The following UMAD1 variants were observed in gnomAD, a reference collection of about 807,000 sequenced individuals.
UMAD1 encodes UBAP1-MVB12-associated (UMA) domain containing 1.
A neutral mutation model predicts 6.1 loss-of-function variants in UMAD1; 8 were observed. That is an observed-to-expected ratio of 1.30 (90% confidence interval 0.76 to 2.35). The LOEUF (loss-of-function observed/expected upper bound fraction) is 2.35, where lower values mean the gene tolerates loss of function less well. UMAD1 is among the 30% of genes most tolerant of loss of function. The probability of loss-of-function intolerance (pLI) is 0.00; values close to 1 mark genes in which losing one functional copy is unlikely to be tolerated. For synonymous variants in UMAD1, 56 were observed against 31.4 expected (o/e 1.78, Z -2.61); for missense variants, 130 against 78.4 (o/e 1.66, Z -2.49).
At chr7:7,800,999 A>G (rs1782787795) in intron 2 of UMAD1, among the ~76,000 whole-genome samples, 1 of 152,244 alleles carries the variant, frequency 6.6e-6, no homozygotes. Flanking sequence ...GTGATAATTA[A>G]TAAATTAAAA....
At chr7:7,818,209 C>T (rs1783170410) in intron 3 of UMAD1, among the ~76,000 whole-genome samples, 1 of 152,112 alleles carries the variant, frequency 6.6e-6, no homozygotes, top group Non-Finnish European at 1.5e-5. Context: ...TTTTAACACC[C>T]TCTTATAAGT....
At chr7:7,662,348 A>G (rs927020736) in intron 1 of UMAD1, among the ~76,000 whole-genome samples, 1 of 152,072 alleles carries the variant, frequency 6.6e-6, no homozygotes, top group African/African-American at 2.4e-5. Flanking sequence ...TCTAGGGGCC[A>G]GTGGGGTATG....
intron 2 of UMAD1, chr7:7,685,971 G>C (rs899543330): frequency 1.3e-5 from 2 of 152,306 alleles, no homozygotes; most frequent in African/African-American, 2.4e-5. Flanking sequence ...GGTTAGGGAT[G>C]CTCCAGATTC....
At chr7:7,708,202 ACTGT>A (rs1205487873) in intron 2 of UMAD1, among the ~76,000 whole-genome samples, 10 of 152,182 alleles carry the variant, frequency 6.6e-5, no homozygotes, top group Non-Finnish European at 1.5e-5. Flanking sequence ...CTTCTCCTTA[ACTGT>A]CTGTAACTTA....
chr7:7,728,283 G>T (rs1781180366), intron 2 of UMAD1, among the ~76,000 whole-genome samples: 1 of 152,136 alleles, frequency 6.6e-6, no homozygotes, highest in Non-Finnish European at 1.5e-5. Flanking sequence ...TTCACAGCTG[G>T]CGGCCAGCAG....
intron 3 of UMAD1, among the ~76,000 whole-genome samples, chr7:7,853,155 A>C (rs1783951351): frequency 6.6e-6 from 1 of 152,226 alleles, no homozygotes; most frequent in Admixed American, 6.5e-5. Context: ...TCATAATATC[A>C]CACAGGACAT....
chr7:7,806,844 T>C (rs1293131517), intron 3 of UMAD1, among the ~76,000 whole-genome samples: 1 of 152,222 alleles, frequency 6.6e-6, no homozygotes. Flanking sequence ...AAATATTCTC[T>C]ATAACGAGAA....
rs535668930 is a variant in UMAD1 at position 7,834,561 on chromosome 7, C to T, written c.156+32818C>T. Among the ~76,000 whole-genome samples the T allele has an allele frequency of 5.7e-4, 86 of 152,170 alleles. No homozygotes were observed. In the South Asian group the frequency reaches 0.016, roughly 29 times the overall value. On this transcript the variant is annotated intron_variant, in intron 3 of 3. Transcript: ENST00000682710. ...GATCAAGATTCTGGCCAATTCGGTTCCTGATGAAGAACCCCTTCATGGCTT... is the reference window on the plus strand; with the variant it reads ...GATCAAGATTCTGGCCAATTCGGTTTCTGATGAAGAACCCCTTCATGGCTT...
intron 2 of UMAD1, among the ~76,000 whole-genome samples, chr7:7,764,845 G>A (rs1278860826): frequency 6.6e-6 from 1 of 152,076 alleles, no homozygotes; most frequent in Non-Finnish European, 1.5e-5. Context: ...TTCTTTGACT[G>A]CTTTACTTCT....
At chr7:7,732,783 A>C (rs1014079178) in intron 2 of UMAD1, among the ~76,000 whole-genome samples, 1 of 152,232 alleles carries the variant, frequency 6.6e-6, no homozygotes, top group Non-Finnish European at 1.5e-5. Context: ...AAGTTGCACA[A>C]GGATTTCATA....
At chr7:7,756,989 G>A (rs1215010877) in intron 2 of UMAD1, among the ~76,000 whole-genome samples, 1 of 152,170 alleles carries the variant, frequency 6.6e-6, no homozygotes, top group Non-Finnish European at 1.5e-5. Flanking sequence ...GCTACACATT[G>A]ATCTGTTTTG....
chr7:7,749,877 GAAAGGACGTTATGT>G, intron 2 of UMAD1, among the ~76,000 whole-genome samples: 1 of 152,058 alleles, frequency 6.6e-6, no homozygotes, highest in Non-Finnish European at 1.5e-5. Flanking sequence ...AACTACTAAT[GAAAGGACGTTATGT>G]GTCACATTTG....
intron 2 of UMAD1, among the ~76,000 whole-genome samples, chr7:7,739,853 A>C (rs2115203807): frequency 6.6e-6 from 1 of 152,354 alleles, no homozygotes; most frequent in East Asian, 1.9e-4. Flanking sequence ...CTTGTGAAGA[A>C]GACATTCAGA....
intron 2 of UMAD1, among the ~76,000 whole-genome samples, chr7:7,709,838 G>C (rs1028639532): frequency 6.6e-6 from 1 of 151,676 alleles, no homozygotes; most frequent in East Asian, 1.9e-4. Context: ...GAACACCTGT[G>C]TACCCACCAA....
intron 1 of UMAD1, among the ~76,000 whole-genome samples, chr7:7,666,352 C>T (rs539413285): frequency 1.4e-4 from 22 of 152,056 alleles, no homozygotes; most frequent in East Asian, 3.9e-4. Context: ...CTCAGGCACA[C>T]GCCACCACAC....
intron 1 of UMAD1, among the ~76,000 whole-genome samples, chr7:7,664,946 CTG>C (rs1478246210): frequency 6.6e-6 from 1 of 152,084 alleles, no homozygotes; most frequent in Non-Finnish European, 1.5e-5. Flanking sequence ...TTTTTCAGCA[CTG>C]TGAAATTTAC....
At chr7:7,647,970 G>T (rs1023550387) in intron 1 of UMAD1, among the ~76,000 whole-genome samples, 1 of 152,148 alleles carries the variant, frequency 6.6e-6, no homozygotes, top group Non-Finnish European at 1.5e-5. Flanking sequence ...GTTTTGGTTA[G>T]AATTTATTTG....
At chr7:7,676,859 G>T (rs1779753676) in intron 2 of UMAD1, among the ~76,000 whole-genome samples, 1 of 152,058 alleles carries the variant, frequency 6.6e-6, no homozygotes, top group Non-Finnish European at 1.5e-5. Context: ...ATAGTTAATT[G>T]TCTTTAAAGT....
chr7:7,662,448 G>T (rs559979465), intron 1 of UMAD1, among the ~76,000 whole-genome samples: 1 of 152,326 alleles, frequency 6.6e-6, no homozygotes, highest in South Asian at 2.1e-4. Flanking sequence ...GGTGGCATAG[G>T]CACCGGCGGG....
Sources: allele counts gnomAD v4.1 joint callset (sites outside exome capture counted in the v4.1 genomes callset), GRCh38; gene constraint gnomAD v4.1.1; transcripts MANE v1.5; gene names NCBI Gene and HGNC (gene_info 2026-07-23, HGNC 2026-07-21).